NALF1: variants seen among roughly 807,000 people sequenced by gnomAD.
NALF1 encodes the protein NALCN channel auxiliary factor 1, also known as family with sequence similarity 155 member A.
In NALF1, 3 loss-of-function variants were observed where a neutral mutation model predicts 48.4. That is an observed-to-expected ratio of 0.06 (90% CI 0.03 to 0.16). The LOEUF is 0.16. Among genes scored for constraint, NALF1 ranks in the 10% least tolerant of loss-of-function variants. The probability of loss-of-function intolerance (pLI) is 1.00; values close to 1 mark genes in which losing one functional copy is unlikely to be tolerated. For missense variants in NALF1, 526 were observed against 571.5 expected, an observed-to-expected ratio of 0.92 and a Z score of 0.81; for synonymous variants, 262 against 245.7, an observed-to-expected ratio of 1.07 and a Z score of -0.62.
chr13:107,166,713 T>G lies in NALF1; in HGVS notation c.*3784A>C, dbSNP rs965788794. 1.5e-4 allele frequency: 23 copies of G among 152,294 alleles called. No individual in the cohort carries two copies. Among genetic ancestry groups the G allele is most frequent in the African/African-American group, 5.1e-4 (21 of 41,560 alleles). 9.4% of individuals were successfully genotyped at this position (152,294 alleles called of 1,614,324 possible). On this transcript the variant is annotated 3_prime_UTR_variant, in exon 3 of 3. Transcript: ENST00000375915. ...TCCCCCGGAAAAAAGTATGTACTTA[T>G]TCATTCATATGAAACCTCCTTTCCC...
chr13:107,643,647 A>C (rs759275132), intron 1 of NALF1, among the ~76,000 whole-genome samples: 1 of 151,574 alleles, frequency 6.6e-6, no homozygotes, highest in Non-Finnish European at 1.5e-5. Context: ...AAGCAATTTT[A>C]TTTTCTTAAT....
chr13:107,835,922 T>C (rs955075412), intron 1 of NALF1, among the ~76,000 whole-genome samples: 2 of 152,082 alleles, frequency 1.3e-5, no homozygotes, highest in African/African-American at 4.8e-5. Flanking sequence ...AACCAACAAA[T>C]CTTGGGCAAG....
intron 1 of NALF1, among the ~76,000 whole-genome samples, chr13:107,714,738 A>T (rs900438180): frequency 2.0e-5 from 3 of 151,024 alleles, no homozygotes; most frequent in Admixed American, 6.6e-5. Flanking sequence ...TATGAGTTTG[A>T]TACAGATGTG....
chr13:107,326,741 C>G (rs1882372675), intron 1 of NALF1, among the ~76,000 whole-genome samples: 1 of 152,204 alleles, frequency 6.6e-6, no homozygotes, highest in Non-Finnish European at 1.5e-5. Flanking sequence ...AACCAGCAAG[C>G]AAAGAATGTG....
intron 1 of NALF1, among the ~76,000 whole-genome samples, chr13:107,700,008 G>T (rs779315484): frequency 6.6e-6 from 1 of 151,840 alleles, no homozygotes; most frequent in Non-Finnish European, 1.5e-5. Flanking sequence ...CATTAAAGAC[G>T]CAAAGAAATA....
intron 1 of NALF1, among the ~76,000 whole-genome samples, chr13:107,654,071 A>G (rs1880514450): frequency 6.6e-6 from 1 of 152,088 alleles, no homozygotes; most frequent in African/African-American, 2.4e-5. Context: ...AAACAAAAAT[A>G]TATAAAAGAT....
intron 1 of NALF1, among the ~76,000 whole-genome samples, chr13:107,441,060 C>T (rs189056835): frequency 6.6e-6 from 1 of 152,112 alleles, no homozygotes; most frequent in African/African-American, 2.4e-5. Context: ...TGTTAGGATA[C>T]CCTTCAAGTA....
chr13:107,737,523 C>T (rs553303511), intron 1 of NALF1, among the ~76,000 whole-genome samples: 4 of 152,042 alleles, frequency 2.6e-5, no homozygotes, highest in Non-Finnish European at 5.9e-5. Flanking sequence ...GATTATTTCC[C>T]ATGTTTATTA....
At chr13:107,817,131 TA>T (rs1879191538) in intron 1 of NALF1, among the ~76,000 whole-genome samples, 1 of 152,112 alleles carries the variant, frequency 6.6e-6, no homozygotes, top group Non-Finnish European at 1.5e-5. Flanking sequence ...AAGAGGCAAA[TA>T]TGTGATGAAA....
intron 1 of NALF1, among the ~76,000 whole-genome samples, chr13:107,696,467 G>A (rs1881701770): frequency 1.3e-5 from 2 of 152,022 alleles, no homozygotes; most frequent in Admixed American, 6.6e-5. Flanking sequence ...TTAAGGACTT[G>A]GGAGTCAGAC....
intron 2 of NALF1, among the ~76,000 whole-genome samples, chr13:107,207,986 C>T (rs1432787843): frequency 2.6e-5 from 4 of 151,988 alleles, no homozygotes; most frequent in Admixed American, 6.6e-5. Flanking sequence ...CACCTGTAAC[C>T]GATGATGGGA....
At chr13:107,434,564 T>A (rs1285977373) in intron 1 of NALF1, among the ~76,000 whole-genome samples, 1 of 152,204 alleles carries the variant, frequency 6.6e-6, no homozygotes, top group Non-Finnish European at 1.5e-5. Flanking sequence ...CAGCAATAAA[T>A]GCTCACAGAT....
intron 1 of NALF1, among the ~76,000 whole-genome samples, chr13:107,234,508 G>A (rs979590752): frequency 7.2e-5 from 11 of 151,984 alleles, no homozygotes; most frequent in Admixed American, 1.3e-4. Context: ...AGCCAGCCCC[G>A]GCAGGGCTGC....
chr13:107,783,611 G>A (rs367585218), intron 1 of NALF1, among the ~76,000 whole-genome samples: 3 of 152,108 alleles, frequency 2.0e-5, no homozygotes, highest in East Asian at 1.9e-4. Context: ...ACTCAGGGTT[G>A]AATGGATTAA....
chr13:107,733,549 T>C (rs942387858), intron 1 of NALF1, among the ~76,000 whole-genome samples: 1 of 152,104 alleles, frequency 6.6e-6, no homozygotes, highest in Non-Finnish European at 1.5e-5. Context: ...ATTATACAAA[T>C]AGTCAAAGAG....
In NALF1 at chr13:107,194,206, T is replaced by C. The variant is rs1442966095; in HGVS notation, c.1087+16378A>G. 2.0e-5 allele frequency among the ~76,000 whole-genome samples: 3 copies of C among 152,212 alleles called. No individual in the cohort carries two copies. In the East Asian group the frequency reaches 5.8e-4, roughly 29 times the overall value. On this transcript the variant is annotated intron_variant, in intron 2 of 2. Transcript: ENST00000375915. The stretch of plus-strand genomic sequence containing the variant: ...CAAGAGTCCTGACCCACATGCATAC[T>C]TTCCTCACATAGACATTGTGAAGAT...
At chr13:107,566,720 ATT>A (rs1421864568) in intron 1 of NALF1, among the ~76,000 whole-genome samples, 1 of 152,164 alleles carries the variant, frequency 6.6e-6, no homozygotes, top group Non-Finnish European at 1.5e-5. Context: ...CTAACGAATG[ATT>A]TTGTCATATT....
intron 1 of NALF1, among the ~76,000 whole-genome samples, chr13:107,739,121 G>A (rs927905108): frequency 5.3e-5 from 8 of 152,054 alleles, no homozygotes; most frequent in African/African-American, 1.7e-4. Flanking sequence ...AGAACACACG[G>A]ACACAGGGAG....
Position 107,819,466 on chromosome 13 carries a change from G to A in NALF1, c.915+46216C>T, listed in dbSNP as rs988105079. Reference sequence around the variant, plus strand: ...TTTGCTCATACTTCTTAGGTGGGACGCCCCATGCTCTACACACCTGAAAGC... The same window carrying A: ...TTTGCTCATACTTCTTAGGTGGGACACCCCATGCTCTACACACCTGAAAGC... On this transcript the variant is annotated intron_variant, in intron 1 of 2. Coordinates refer to ENST00000375915, the MANE Select transcript of NALF1 (RefSeq NM_001080396.3). 3.3e-5 allele frequency among the ~76,000 whole-genome samples: 5 copies of A among 151,630 alleles called. No individual in the cohort carries two copies. The East Asian group carries it at 5.8e-4, about 18-fold the overall frequency.
Sources: gnomAD v4.1 joint callset for allele counts (sites outside exome capture counted in the v4.1 genomes callset) on GRCh38, gnomAD v4.1.1 for gene constraint, MANE v1.5 for transcripts, NCBI Gene and HGNC (gene_info 2026-07-23, HGNC 2026-07-21) for gene names.